RSPO2: variants seen among roughly 807,000 people sequenced by gnomAD.
RSPO2 encodes the protein R-spondin 2.
Under a neutral mutation model 30.9 loss-of-function variants are expected in RSPO2, and 14 were observed. That is an observed-to-expected ratio of 0.45 (90% CI 0.30 to 0.71). The LOEUF (loss-of-function observed/expected upper bound fraction) is 0.71, where lower values mean the gene tolerates loss of function less well. Ranked by LOEUF, RSPO2 falls within the 30% of genes least tolerant of loss-of-function variation. RSPO2 has a pLI of 0.08. For synonymous variants in RSPO2, 107 were observed against 96.4 expected, an observed-to-expected ratio of 1.11 and a Z score of -0.64; for missense variants, 264 against 301.9, an observed-to-expected ratio of 0.87 and a Z score of 0.93.
chr8:107,987,328 C>G (rs1814681140), intron 3 of RSPO2, among the ~76,000 whole-genome samples: 1 of 152,150 alleles, frequency 6.6e-6, no homozygotes, highest in African/African-American at 2.4e-5. Flanking sequence ...CTAGAATTAT[C>G]TTAAAGCAAT....
chr8:108,030,459 C>T (rs1194826180), intron 2 of RSPO2, among the ~76,000 whole-genome samples: 1 of 152,132 alleles, frequency 6.6e-6, no homozygotes, highest in East Asian at 1.9e-4. Flanking sequence ...CTTCATGGGC[C>T]ACAGACATTG....
At position 108,072,599 on chromosome 8, in the gene RSPO2, A is replaced by T. The variant is rs187041377; in HGVS notation, c.94+9946T>A. On this transcript the variant is annotated intron_variant, in intron 2 of 5. Coordinates refer to ENST00000276659, the MANE Select transcript of RSPO2 (RefSeq NM_178565.5). Reference sequence around the variant, plus strand: ...GTGATCCGCCCGCCTCGGCCTCCCAAAGTGCTGGGATTACAGGCATAAGCC... The same window carrying T: ...GTGATCCGCCCGCCTCGGCCTCCCATAGTGCTGGGATTACAGGCATAAGCC... Among the ~76,000 whole-genome samples, 297 of 150,890 alleles carry T rather than the reference A, an allele frequency of 2.0e-3. 2 individuals are homozygous for T. Among genetic ancestry groups the T allele is most frequent in the African/African-American group, 6.6e-3 (269 of 41,016 alleles).
At chr8:107,939,943 G>C (rs1812842077) in intron 5 of RSPO2, among the ~76,000 whole-genome samples, 1 of 152,024 alleles carries the variant, frequency 6.6e-6, no homozygotes, top group Non-Finnish European at 1.5e-5. Flanking sequence ...GTAACATCAA[G>C]GAAATATCTA....
At chr8:107,983,670 T>C (rs982131927) in intron 3 of RSPO2, 3 of 1,593,240 alleles carry the variant, frequency 1.9e-6, no homozygotes, top group Non-Finnish European at 2.6e-6. Flanking sequence ...TGGAATTCCT[T>C]GTGGCAGAGA....
Position 107,901,118 on chromosome 8 carries a change from T to C in RSPO2, c.689A>G (p.Glu230Gly), listed in dbSNP as rs1563741137. Residue 230 changes from glutamate to glycine, a missense_variant, in exon 6 of 6, where the codon GAG becomes GGG. Physicochemically the swap from Glu to Gly is moderately conservative, Grantham distance 98 (BLOSUM62 -2). Transcript: ENST00000276659. Reference sequence around the variant, plus strand: ...TGTAGCTAGGAAGACGCTGTGTTGCTCCTGGGCCCTTTCTATCAGCTTCCT... The same window carrying C: ...TGTAGCTAGGAAGACGCTGTGTTGCCCCTGGGCCCTTTCTATCAGCTTCCT... The part of the protein sequence containing the change: ...KKRKLIERAQ[E>G]QHSVFLATDR... The C allele has an allele frequency of 6.2e-7, 1 of 1,614,198 alleles. No homozygotes were observed. The highest frequency in any genetic ancestry group is 1.6e-4 in the Middle Eastern group (1 of 6,062).
At chr8:108,022,059 T>C (rs1811074825) in intron 2 of RSPO2, among the ~76,000 whole-genome samples, 1 of 152,110 alleles carries the variant, frequency 6.6e-6, no homozygotes, top group Admixed American at 6.5e-5. Context: ...TCCCACCACA[T>C]CTTCTAGCTA....
chr8:107,988,936 C>T, intron 3 of RSPO2, 120 bp downstream of exon 3: 1 of 930,402 alleles, frequency 1.1e-6, no homozygotes, highest in Non-Finnish European at 1.6e-6. Flanking sequence ...CAAGCTTAAA[C>T]TATTTCTATC....
chr8:108,035,032 C>A (rs1406261438), intron 2 of RSPO2, among the ~76,000 whole-genome samples: 1 of 152,182 alleles, frequency 6.6e-6, no homozygotes, highest in African/African-American at 2.4e-5. Context: ...GGAAATACAT[C>A]TTCCAAGTTT....
rs796480869 is a variant in RSPO2, at chr8:107,932,929, T to G, written c.616+25151A>C. 5.9e-5 allele frequency among the ~76,000 whole-genome samples: 9 copies of G among 152,256 alleles called. 1 individual carries two copies. The highest frequency in any genetic ancestry group is 1.9e-4 in the African/African-American group (8 of 41,546). ...ATGCTAAATCTGCATTGGAAAACTT[T>G]GATGTACTAGAAGGGGATGGGATAA... On this transcript the variant is annotated intron_variant, in intron 5 of 5. Coordinates refer to ENST00000276659, the MANE Select transcript of RSPO2 (RefSeq NM_178565.5).
intron 3 of RSPO2, among the ~76,000 whole-genome samples, chr8:107,973,513 GACACACACAGACACACACTC>G (rs1461768019): frequency 9.9e-5 from 8 of 81,066 alleles, no homozygotes; most frequent in Non-Finnish European, 1.4e-4. Context: ...TACACACACA[GACACACACAGACACACACTC>G]ACACACACAC....
intron 5 of RSPO2, among the ~76,000 whole-genome samples, chr8:107,950,972 T>C (rs1813222346): frequency 6.6e-6 from 1 of 152,130 alleles, no homozygotes; most frequent in African/African-American, 2.4e-5. Context: ...GATGAGCAAA[T>C]TGACTGCTCT....
At chr8:107,986,695 AAG>A (rs1814649342) in intron 3 of RSPO2, among the ~76,000 whole-genome samples, 1 of 152,158 alleles carries the variant, frequency 6.6e-6, no homozygotes, top group South Asian at 2.1e-4. Flanking sequence ...TTGTCCATAT[AAG>A]TACATACAAT....
intron 3 of RSPO2, among the ~76,000 whole-genome samples, chr8:107,968,307 G>A (rs921857937): frequency 3.3e-5 from 5 of 152,096 alleles, no homozygotes; most frequent in African/African-American, 9.7e-5. Flanking sequence ...GTGCATGGAT[G>A]GAACTGGGGG....
chr8:107,973,574 C>CA lies in RSPO2; in HGVS notation c.284-12758dup, dbSNP rs1351945778. 2.4e-4 allele frequency among the ~76,000 whole-genome samples: 36 copies of CA among 149,592 alleles called. 1 individual carries two copies. In the East Asian group the frequency reaches 6.5e-3, roughly 27 times the overall value. ...CACACACACACACAGAACAAGCAAA[C>CA]AAAAAAAAGAAAACTGCCTCCCGTT... On this transcript the variant is annotated intron_variant, in intron 3 of 5. Transcript: ENST00000276659.
chr8:107,927,978 C>A (rs1451197087), intron 5 of RSPO2, among the ~76,000 whole-genome samples: 9 of 152,072 alleles, frequency 5.9e-5, no homozygotes, highest in Non-Finnish European at 1.3e-4. Flanking sequence ...AAATTCCTAA[C>A]TAATCAGAAA....
chr8:108,022,994 AC>A (rs1317903227), intron 2 of RSPO2, among the ~76,000 whole-genome samples: 4 of 151,800 alleles, frequency 2.6e-5, no homozygotes, highest in Non-Finnish European at 2.9e-5. Context: ...AATAAAGGAG[AC>A]CCAAGAGAGA....
chr8:108,008,528 C>T (rs1379337298), intron 2 of RSPO2, among the ~76,000 whole-genome samples: 1 of 152,078 alleles, frequency 6.6e-6, no homozygotes, highest in African/African-American at 2.4e-5. Context: ...AGGTTGCAAT[C>T]CTCTTACAAA....
At chr8:107,971,697 A>G (rs1460375114) in intron 3 of RSPO2, among the ~76,000 whole-genome samples, 2 of 152,222 alleles carry the variant, frequency 1.3e-5, no homozygotes, top group East Asian at 3.8e-4. Context: ...TATTGCAGCT[A>G]CAAGAGAACA....
At position 108,017,440 on chromosome 8, in the gene RSPO2, G is replaced by A. The variant is rs796245475; in HGVS notation, c.95-28196C>T. ...CTAGGAGGATGGGGAAAAGAAGTGG[G>A]CTCTTGTGTAGTGAGGAAGAGAAAC... is the stretch of plus-strand genomic sequence containing the variant. On this transcript the variant is annotated intron_variant, in intron 2 of 5. Transcript: ENST00000276659. Among the ~76,000 whole-genome samples the A allele has an allele frequency of 3.9e-5, 6 of 152,282 alleles. 1 individual carries two copies. Among genetic ancestry groups the A allele is most frequent in the African/African-American group, 1.4e-4 (6 of 41,564 alleles).
Sources: gnomAD v4.1 joint callset for allele counts (sites outside exome capture counted in the v4.1 genomes callset) on GRCh38, gnomAD v4.1.1 for gene constraint, MANE v1.5 for transcripts, NCBI Gene and HGNC (gene_info 2026-07-23, HGNC 2026-07-21) for gene names.